TANC1: variants seen among roughly 807,000 people sequenced by gnomAD.
The protein encoded by TANC1 is protein TANC1.
In TANC1, 77 loss-of-function variants were observed where a neutral mutation model predicts 149.7. That is an observed-to-expected ratio of 0.51 (90% CI 0.43 to 0.62). The LOEUF (loss-of-function observed/expected upper bound fraction) is 0.62. Among genes scored for constraint, TANC1 ranks in the 20% least tolerant of loss-of-function variants. The pLI is 0.00. For missense variants in TANC1, 1,985 were observed against 2,321.8 expected (o/e 0.85, Z 2.98); for synonymous variants, 854 against 925.0 (o/e 0.92, Z 1.39).
At chr2:159,080,451 G>A (rs1261438738) in intron 3 of TANC1, among the ~76,000 whole-genome samples, 2 of 152,292 alleles carry the variant, frequency 1.3e-5, no homozygotes, top group African/African-American at 2.4e-5. Flanking sequence ...TGCCCCGTAC[G>A]ATCAGAAGGT....
chr2:159,185,544 GC>G (rs1439470737), intron 14 of TANC1, among the ~76,000 whole-genome samples: 1 of 152,186 alleles, frequency 6.6e-6, no homozygotes, highest in African/African-American at 2.4e-5. Flanking sequence ...TGAAGGCTAG[GC>G]CCAGGGATGG....
chr2:159,074,668 G>A (rs758243866), intron 3 of TANC1, among the ~76,000 whole-genome samples: 7 of 152,120 alleles, frequency 4.6e-5, no homozygotes, highest in Non-Finnish European at 5.9e-5. Flanking sequence ...TTCCAAGTAC[G>A]AGATGTTAAA....
At chr2:159,062,457 T>C (rs1456598779) in intron 2 of TANC1, among the ~76,000 whole-genome samples, 1 of 152,180 alleles carries the variant, frequency 6.6e-6, no homozygotes, top group Non-Finnish European at 1.5e-5. Flanking sequence ...CAGCTCAGTG[T>C]TCACCCTTTT....
intron 2 of TANC1, chr2:159,004,254 G>A: frequency 6.2e-7 from 1 of 1,612,074 alleles, no homozygotes; most frequent in Admixed American, 1.7e-5. Context: ...AGACATTGAT[G>A]AGGAAGATGA....
chr2:159,079,308 G>A (rs576296900), intron 3 of TANC1, among the ~76,000 whole-genome samples: 8 of 150,378 alleles, frequency 5.3e-5, no homozygotes, highest in African/African-American at 1.7e-4. Context: ...TGGGATTACA[G>A]GTGTGAGCAA....
At position 159,229,813 on chromosome 2, in the gene TANC1, G is replaced by A. The variant is rs754922213; in HGVS notation, c.4387G>A (p.Glu1463Lys). Residue 1463 changes from glutamate to lysine, a missense_variant, in exon 27 of 27, where the codon GAA (glutamate) becomes AAA (lysine). Coordinates refer to ENST00000263635, the MANE Select transcript of TANC1 (RefSeq NM_033394.3). ...HFHSEETEEEETSPQEESVSP... is the reference protein window; with the variant it reads ...HFHSEETEEEKTSPQEESVSP... Reference sequence around the variant, plus strand: ...TCACTCTGAGGAGACTGAAGAGGAAGAAACTTCTCCCCAGGAAGAATCTGT... The same window carrying A: ...TCACTCTGAGGAGACTGAAGAGGAAAAAACTTCTCCCCAGGAAGAATCTGT... 6.2e-7 allele frequency: 1 copy of A among 1,613,996 alleles called. No homozygotes were observed. The highest frequency in any genetic ancestry group is 8.5e-7 in the Non-Finnish European group (1 of 1,180,042).
intron 2 of TANC1, among the ~76,000 whole-genome samples, chr2:159,014,353 A>G (rs2038059034): frequency 6.6e-6 from 1 of 152,236 alleles, no homozygotes; most frequent in Non-Finnish European, 1.5e-5. Context: ...AGACTTACTC[A>G]GTACCATGAG....
intron 3 of TANC1, among the ~76,000 whole-genome samples, chr2:159,085,198 A>T (rs1300688521): frequency 6.6e-6 from 1 of 152,102 alleles, no homozygotes; most frequent in Non-Finnish European, 1.5e-5. Context: ...AAGCCAGGAT[A>T]CTTCTCAGCT....
At position 159,194,244 on chromosome 2, in the gene TANC1, C is replaced by T; in HGVS notation, c.2743-13C>T. 6.2e-7 allele frequency: 1 copy of T among 1,602,122 alleles called. No individual in the cohort carries two copies. The highest frequency in any genetic ancestry group is 2.2e-5 in the East Asian group (1 of 44,712). On this transcript the variant is annotated splice_polypyrimidine_tract_variant and intron_variant, in intron 16 of 26. Coordinates refer to ENST00000263635, the MANE Select transcript of TANC1 (RefSeq NM_033394.3). ...TACATGTGACAATCTTGTTGGGGGG[C>T]CTTGTCCAACAGGTGAGCCGTCTCC...
intron 3 of TANC1, among the ~76,000 whole-genome samples, chr2:159,096,054 G>A (rs1400674943): frequency 6.6e-6 from 1 of 152,180 alleles, no homozygotes; most frequent in East Asian, 1.9e-4. Context: ...GCAAGGACTG[G>A]TTGGATAGCT....
intron 3 of TANC1, among the ~76,000 whole-genome samples, chr2:159,066,821 G>A (rs1306293252): frequency 6.6e-6 from 1 of 152,214 alleles, no homozygotes; most frequent in Non-Finnish European, 1.5e-5. Flanking sequence ...TATTGTCACT[G>A]TGACTTTAAT....
At chr2:159,198,134 T>C (rs548325884) in intron 18 of TANC1, among the ~76,000 whole-genome samples, 71 of 152,358 alleles carry the variant, frequency 4.7e-4, no homozygotes, top group Non-Finnish European at 9.0e-4. Flanking sequence ...TCCTCTGACC[T>C]GGACTCCTCC....
intron 4 of TANC1, among the ~76,000 whole-genome samples, chr2:159,125,834 C>T (rs1217985190): frequency 2.0e-5 from 3 of 152,232 alleles, no homozygotes; most frequent in East Asian, 1.9e-4. Flanking sequence ...GTGATCCACC[C>T]GCCTCGGTCT....
chr2:159,031,383 G>A (rs1340774339), intron 2 of TANC1, among the ~76,000 whole-genome samples: 1 of 152,188 alleles, frequency 6.6e-6, no homozygotes, highest in Admixed American at 6.5e-5. Flanking sequence ...CCTAAATAGA[G>A]AGGTTTTTAG....
rs780245842 is a variant in TANC1 at position 159,230,445 on chromosome 2, A to T, written c.5019A>T (p.Ile1673=). 3.1e-6 allele frequency: 5 copies of T among 1,614,154 alleles called. No homozygotes were observed. The highest frequency in any genetic ancestry group is 4.2e-6 in the Non-Finnish European group (5 of 1,180,032). The change falls in exon 27 of 27, where the codon ATA becomes ATT. Residue 1673 remains isoleucine, a synonymous_variant. Coordinates refer to ENST00000263635, the MANE Select transcript of TANC1 (RefSeq NM_033394.3). This position sits in a 1 kb window ranked among gnomAD's most constrained non-coding sequence, Gnocchi z 4.4. ...SGSSGSPSSS[I]KMSSSTSSLT... is the part of the protein sequence containing the mutation. ...CTTCTGGTTCTCCATCCAGCAGCAT[A>T]AAGATGTCAAGTTCAACCAGTAGTT...
intron 3 of TANC1, among the ~76,000 whole-genome samples, chr2:159,067,903 C>A (rs1341454071): frequency 1.3e-5 from 2 of 152,206 alleles, no homozygotes; most frequent in Admixed American, 6.5e-5. Context: ...GCATTTGAAA[C>A]TTTTCCAGTT....
rs533005549 is a variant in TANC1, at chr2:159,135,109, A to G, written c.260-1085A>G. On this transcript the variant is annotated intron_variant, in intron 4 of 26. Coordinates refer to ENST00000263635, the MANE Select transcript of TANC1 (RefSeq NM_033394.3). ...CCTTACCATTACCCCACAGGCCTGC[A>G]TAGCCTGCATAACCCCCAGCCCCTG... Among the ~76,000 whole-genome samples the G allele has an allele frequency of 2.0e-5, 3 of 152,336 alleles. No homozygotes were observed. The South Asian group carries it at 6.2e-4, about 32-fold the overall frequency.
In TANC1 at chr2:159,001,368, A is replaced by T. The variant is rs560169024; in HGVS notation, c.-16+179A>T. Among the ~76,000 whole-genome samples, 11 of 152,334 alleles carry T rather than the reference A, an allele frequency of 7.2e-5. No homozygotes were observed. Among genetic ancestry groups the T allele is most frequent in the Non-Finnish European group, 1.5e-5 (1 of 68,024 alleles). ...AGGGGAGAGAAGCCCTGTCAAAAGC[A>T]GAGATAGGGGAGTTAGTGTTTAATG... On this transcript the variant is annotated intron_variant, in intron 2 of 26. Transcript: ENST00000263635. This position sits in a 1 kb window ranked among gnomAD's most constrained non-coding sequence, Gnocchi z 4.3.
At chr2:159,096,204 T>C (rs1336066629) in intron 3 of TANC1, among the ~76,000 whole-genome samples, 3 of 152,162 alleles carry the variant, frequency 2.0e-5, no homozygotes, top group Non-Finnish European at 4.4e-5. Flanking sequence ...CAGTTCCATC[T>C]TAGTACATAC....
Sources: allele counts gnomAD v4.1 joint callset (sites outside exome capture counted in the v4.1 genomes callset), GRCh38; gene constraint gnomAD v4.1.1; non-coding constraint Gnocchi (gnomAD v3.1); transcripts MANE v1.5; gene names NCBI Gene and HGNC (gene_info 2026-07-23, HGNC 2026-07-21).